The following MAST3 variants were observed in gnomAD, a reference collection of about 807,000 sequenced individuals.
The protein encoded by MAST3 is microtubule associated serine/threonine kinase 3.
A neutral mutation model predicts 127.0 loss-of-function variants in MAST3; 43 were observed. The observed-to-expected ratio is 0.34, with a 90% CI of 0.27 to 0.44. The LOEUF (loss-of-function observed/expected upper bound fraction) is 0.44, where lower values mean the gene tolerates loss of function less well. Ranked by LOEUF, MAST3 falls within the 20% of genes least tolerant of loss-of-function variation. The probability of loss-of-function intolerance (pLI) is 1.00; values close to 1 mark genes in which losing one functional copy is unlikely to be tolerated. For synonymous variants in MAST3, 785 were observed against 809.2 expected (o/e 0.97, Z 0.51); for missense variants, 1,390 against 1,919.1 (o/e 0.72, Z 5.15).
At chr19:18,130,374 CA>C (rs1177027949) in intron 13 of MAST3, 119 bp from the exon 14 acceptor site, 1 of 852,406 alleles carries the variant, frequency 1.2e-6, no homozygotes, top group African/African-American at 1.7e-5. Context: ...ATGGGTGGCC[CA>C]GGTGGAGGGC....
intron 3 of MAST3, among the ~76,000 whole-genome samples, chr19:18,119,537 A>G (rs528802907): frequency 4.7e-4 from 72 of 152,126 alleles, no homozygotes; most frequent in Non-Finnish European, 7.6e-4. Flanking sequence ...GTCATTCCCA[A>G]CTCTGGGGCT....
At chr19:18,106,472 T>C (rs1464132235) in intron 1 of MAST3, among the ~76,000 whole-genome samples, 4 of 151,696 alleles carry the variant, frequency 2.6e-5, no homozygotes, top group Non-Finnish European at 5.9e-5. Context: ...CTCTTGACCT[T>C]GTGATCTGCC....
At position 18,105,711 on chromosome 19, in the gene MAST3, G is replaced by A. The variant is rs146244855; in HGVS notation, c.40-1876G>A. 3.5e-3 allele frequency among the ~76,000 whole-genome samples: 531 copies of A among 152,140 alleles called. 1 individual carries two copies. Among genetic ancestry groups the A allele is most frequent in the Middle Eastern group, 0.017 (5 of 294 alleles). On this transcript the variant is annotated intron_variant, in intron 1 of 27. Coordinates refer to ENST00000687212, the MANE Select transcript of MAST3 (RefSeq NM_001393504.1). Reference sequence around the variant, plus strand: ...ACAACAACAAAAAAAAACCCTCTTGGGCAGCCCATGTCTGAGGATGGACTG... The same window carrying A: ...ACAACAACAAAAAAAAACCCTCTTGAGCAGCCCATGTCTGAGGATGGACTG...
chr19:18,130,141 G>A (rs1158683339), intron 13 of MAST3, among the ~76,000 whole-genome samples: 4 of 152,014 alleles, frequency 2.6e-5, no homozygotes, highest in African/African-American at 9.6e-5. Context: ...TGAGCCGGGG[G>A]GGTGGTAAAG....
intron 1 of MAST3, among the ~76,000 whole-genome samples, chr19:18,100,982 C>T (rs1181654538): frequency 6.6e-6 from 1 of 152,192 alleles, no homozygotes; most frequent in African/African-American, 2.4e-5. Context: ...GAAAAAGGAT[C>T]CGGCCTGGCC....
Position 18,149,414 on chromosome 19 carries a change from C to A in MAST3, c.3732C>A (p.Pro1244=). 1 of 1,466,376 alleles carries A rather than the reference C, an allele frequency of 6.8e-7. No individual in the cohort carries two copies. The highest frequency in any genetic ancestry group is 9.0e-7 in the Non-Finnish European group (1 of 1,117,104). The allele number at this position is 1,466,376 out of a possible 1,614,324, so 90.8% of individuals were successfully genotyped here. The part of the protein sequence containing the change: ...APPPRSPSPL[P]GHPPAPARSP... Reference sequence around the variant, plus strand: ...CACCCCGCTCGCCCTCGCCCCTGCCCGGGCACCCGCCCGCACCTGCCCGAT... The same window carrying A: ...CACCCCGCTCGCCCTCGCCCCTGCCAGGGCACCCGCCCGCACCTGCCCGAT... The change falls in exon 28 of 28, where the codon CCC becomes CCA. Residue 1244 remains proline (P), a synonymous_variant. Transcript: ENST00000687212. The surrounding 1 kb of genome is among the most constrained non-coding windows in gnomAD (Gnocchi z 5.9).
At chr19:18,147,099 CTTTTTTTTTT>C (rs147946466) in intron 26 of MAST3, 55 bp downstream of exon 26, 75 of 894,002 alleles carry the variant, frequency 8.4e-5, no homozygotes, top group Admixed American at 9.6e-5. Flanking sequence ...TTTCTTTTTC[CTTTTTTTTTT>C]TTTTTTTTTT....
intron 13 of MAST3, 32 bp from the exon 14 acceptor site, chr19:18,130,462 C>G: frequency 6.4e-7 from 1 of 1,556,552 alleles, no homozygotes; most frequent in Non-Finnish European, 8.7e-7. Context: ...CCTCGATCTC[C>G]GGTCCCAGCA....
In MAST3 at chr19:18,122,759, T is replaced by C. The variant is rs1412425361; in HGVS notation, c.399+8T>C. 2 of 1,612,154 alleles carry C rather than the reference T, an allele frequency of 1.2e-6. No homozygotes were observed. The highest frequency in any genetic ancestry group is 2.2e-5 in the South Asian group (2 of 90,676). On this transcript the variant is annotated splice_region_variant and intron_variant, in intron 6 of 27. Transcript: ENST00000687212. ...CCCAGCTCCACCCTCTCGGTACCCA[T>C]AGCCCCACCTTGGCAGGTGGACAGG... is the stretch of plus-strand genomic sequence containing the variant.
intron 3 of MAST3, among the ~76,000 whole-genome samples, chr19:18,117,289 C>T (rs941091790): frequency 8.5e-5 from 13 of 152,126 alleles, no homozygotes; most frequent in Non-Finnish European, 1.8e-4. Context: ...GGAAGCGCCC[C>T]CTTACATCTG....
intron 2 of MAST3, among the ~76,000 whole-genome samples, chr19:18,108,644 A>C (rs2038257139): frequency 6.6e-6 from 1 of 152,214 alleles, no homozygotes; most frequent in Non-Finnish European, 1.5e-5. Context: ...CTGGGATTAC[A>C]GGCATGAGCC....
Position 18,112,751 on chromosome 19 carries a change from G to A in MAST3, c.161+2010G>A, listed in dbSNP as rs1316122408. On this transcript the variant is annotated intron_variant, in intron 3 of 27. Transcript: ENST00000687212. The surrounding 1 kb of genome is among the most constrained non-coding windows in gnomAD (Gnocchi z 4.1). ...TTCCCAAAGTGCTAGGATTATAGGCGTGAGCCACTGCACCCCGCCTGAGAT... is the reference window on the plus strand; with the variant it reads ...TTCCCAAAGTGCTAGGATTATAGGCATGAGCCACTGCACCCCGCCTGAGAT... 6.6e-5 allele frequency among the ~76,000 whole-genome samples: 10 copies of A among 152,118 alleles called. No homozygotes were observed. Among genetic ancestry groups the A allele is most frequent in the Admixed American group, 2.0e-4 (3 of 15,270 alleles).
chr19:18,117,702 A>G (rs1292133204), intron 3 of MAST3, among the ~76,000 whole-genome samples: 3 of 152,168 alleles, frequency 2.0e-5, no homozygotes, highest in African/African-American at 7.2e-5. Flanking sequence ...GGGAGAGAGG[A>G]AAAAGATGGA....
chr19:18,151,041 T>C lies in MAST3; in HGVS notation c.*1315T>C, dbSNP rs1274843638. 2 of 152,144 alleles carry C rather than the reference T, an allele frequency of 1.3e-5. No individual in the cohort carries two copies. The highest frequency in any genetic ancestry group is 2.9e-5 in the Non-Finnish European group (2 of 68,042). 9.4% of individuals were successfully genotyped at this position (152,144 alleles called of 1,614,324 possible). A position where few individuals can be genotyped will look rare whatever the true frequency, so the allele number is the denominator to read the frequency against. Reference sequence around the variant, plus strand: ...GCCCAGCAGAGTAAGCCCTTGGCCGTGATGTGTCTGAAACACCTGTTAGGG... The same window carrying C: ...GCCCAGCAGAGTAAGCCCTTGGCCGCGATGTGTCTGAAACACCTGTTAGGG... On this transcript the variant is annotated 3_prime_UTR_variant, in exon 28 of 28. Coordinates refer to ENST00000687212, the MANE Select transcript of MAST3 (RefSeq NM_001393504.1).
chr19:18,147,572 C>T lies in MAST3; in HGVS notation c.3456C>T (p.Leu1152=). Residue 1152 remains leucine, a synonymous_variant, in exon 27 of 28, where the codon CTC becomes CTT. Transcript: ENST00000687212. ...TCCCCGGCTCGCCCACCCACAGCCT[C>T]TCCCCCAGCCCCACCACTCCCTGCC... The part of the protein sequence containing the change: ...ESLPGSPTHS[L]SPSPTTPCRS... 3 of 1,578,782 alleles carry T rather than the reference C, an allele frequency of 1.9e-6. No individual in the cohort carries two copies. The highest frequency in any genetic ancestry group is 2.6e-6 in the Non-Finnish European group (3 of 1,163,248).
intron 1 of MAST3, among the ~76,000 whole-genome samples, chr19:18,098,244 T>C (rs1440460055): frequency 3.9e-5 from 6 of 152,164 alleles, no homozygotes; most frequent in Non-Finnish European, 8.8e-5. Context: ...TGCACCACTG[T>C]ACACCCTCAG....
Position 18,124,007 on chromosome 19 carries a change from G to C in MAST3, c.702G>C (p.Ala234=). 6.3e-7 allele frequency: 1 copy of C among 1,596,368 alleles called. No homozygotes were observed. Among genetic ancestry groups the C allele is most frequent in the South Asian group, 1.1e-5 (1 of 88,316 alleles). The change falls in exon 9 of 28, where the codon GCG becomes GCC. Residue 234 remains alanine (A), a synonymous_variant. Coordinates refer to ENST00000687212, the MANE Select transcript of MAST3 (RefSeq NM_001393504.1). ...CCTACGCGCCCGGCGCCCGGCTGGC[G>C]CTGGCTGATGGCGTCTTGGGCTTCA... ...LTAYAPGARL[A]LADGVLGFIH... is the part of the protein sequence containing the mutation.
rs2042780026 is a variant in MAST3, at chr19:18,143,997, G to A, written c.2574G>A (p.Ser858=). The A allele has an allele frequency of 5.1e-6, 8 of 1,565,738 alleles. No homozygotes were observed. The highest frequency in any genetic ancestry group is 1.2e-5 in the South Asian group (1 of 85,630). ...PAATPVMPKP[S]SLSADTAALS... ...CCACCCCAGTGATGCCCAAGCCCTC[G>A]AGCCTTTCTGGTAAGTGGGGCCCTG... is the stretch of plus-strand genomic sequence containing the variant. Residue 858 remains serine (S), a synonymous_variant, in exon 22 of 28, where the codon TCG becomes TCA. Coordinates refer to ENST00000687212, the MANE Select transcript of MAST3 (RefSeq NM_001393504.1).
In MAST3 at chr19:18,144,732, C is replaced by T; in HGVS notation, c.2812+39C>T. The T allele has an allele frequency of 6.3e-7, 1 of 1,593,778 alleles. No homozygotes were observed. Among genetic ancestry groups the T allele is most frequent in the Non-Finnish European group, 8.5e-7 (1 of 1,173,240 alleles). ...CCCCTCTCACCTTTGTCTGTCTGCA[C>T]CCATTTTCACCAACAGGGTGGGGGC... On this transcript the variant is annotated intron_variant, in intron 23 of 27. Transcript: ENST00000687212. This position sits in a 1 kb window ranked among gnomAD's most constrained non-coding sequence, Gnocchi z 4.0.
Sources: gnomAD v4.1 joint callset for allele counts (sites outside exome capture counted in the v4.1 genomes callset) on GRCh38, gnomAD v4.1.1 for gene constraint, Gnocchi (gnomAD v3.1) non-coding constraint, MANE v1.5 for transcripts, NCBI Gene and HGNC (gene_info 2026-07-23, HGNC 2026-07-21) for gene names.